The following UGT2B17 variants were observed in gnomAD, a reference collection of about 807,000 sequenced individuals.
UGT2B17 encodes the protein UDP-glucuronosyltransferase 2B17.
A neutral mutation model predicts 48.2 loss-of-function variants in UGT2B17; 21 were observed. That is an observed-to-expected ratio of 0.44 (90% CI 0.31 to 0.63). The LOEUF is 0.63. UGT2B17 is among the 20% of genes least tolerant of loss of function. The pLI is 0.08. For missense variants in UGT2B17, 402 were observed against 696.1 expected (o/e 0.58, Z 4.75); for synonymous variants, 146 against 238.4 (o/e 0.61, Z 3.57).
Position 68,550,838 on chromosome 4 carries a change from T to A in UGT2B17, c.1152A>T (p.Ala384=). 1.5e-6 allele frequency: 2 copies of A among 1,372,606 alleles called. No homozygotes were observed. The highest frequency in any genetic ancestry group is 1.9e-6 in the Non-Finnish European group (2 of 1,052,606). 85.0% of individuals were successfully genotyped at this position (1,372,606 alleles called of 1,614,324 possible). The part of the protein sequence containing the change: ...THGGTNGIYE[A]IYHGIPMVGI... ...CCACCATAGGGATCCCATGGTAGAT[T>A]GCCTCATAGATGCCATTGGTTCCAC... The change falls in exon 6 of 7, where the codon GCA becomes GCT. Residue 384 remains alanine (A), a synonymous_variant. Transcript: ENST00000317746.
intron 4 of UGT2B17, among the ~76,000 whole-genome samples, chr4:68,556,124 T>C (rs1455077821): frequency 8.1e-6 from 1 of 123,600 alleles, no homozygotes; most frequent in Non-Finnish European, 1.7e-5. Flanking sequence ...TTTTATATGA[T>C]CAAGTTGTCT....
At chr4:68,569,040 C>G (rs1479866452) in intron 1 of UGT2B17, among the ~76,000 whole-genome samples, 1 of 134,602 alleles carries the variant, frequency 7.4e-6, no homozygotes, top group Non-Finnish European at 1.6e-5. Flanking sequence ...AATCTAATTT[C>G]TATCTCTATA....
chr4:68,572,896 G>A (rs1250170446), intron 1 of UGT2B17, among the ~76,000 whole-genome samples: 4 of 126,258 alleles, frequency 3.2e-5, no homozygotes, highest in Non-Finnish European at 6.7e-5. Context: ...GATTGGTGAA[G>A]CTGCTCCCAT....
intron 1 of UGT2B17, among the ~76,000 whole-genome samples, chr4:68,575,639 T>C (rs1731361794): frequency 8.0e-6 from 1 of 125,562 alleles, no homozygotes; most frequent in African/African-American, 2.7e-5. Context: ...ACATTTCAGT[T>C]TACACCAAAC....
rs1731297126 is a variant in UGT2B17, at chr4:68,571,506, C to A, written c.-64-2958G>T. Among the ~76,000 whole-genome samples the A allele has an allele frequency of 1.6e-5, 2 of 126,878 alleles. 1 individual carries two copies. The highest frequency in any genetic ancestry group is 3.3e-5 in the Non-Finnish European group (2 of 59,756). The allele number at this position is 126,878 out of a possible 152,430, so 83.2% of individuals were successfully genotyped here. On this transcript the variant is annotated intron_variant, in intron 1 of 6. Transcript: ENST00000317746. ...GTGTAATTGGAACTCCACCATGTGA[C>A]TGTTTTTGTGGTACTATTATAGAGC...
chr4:68,545,078 T>A lies in UGT2B17; in HGVS notation c.1313+5599A>T, dbSNP rs186560319. Among the ~76,000 whole-genome samples, 2 of 125,858 alleles carry A rather than the reference T, an allele frequency of 1.6e-5. 1 individual carries two copies. Among genetic ancestry groups the A allele is most frequent in the East Asian group, 1.5e-3 (2 of 1,320 alleles). 82.6% of individuals were successfully genotyped at this position (125,858 alleles called of 152,430 possible). A position where few individuals can be genotyped will look rare whatever the true frequency, so the allele number is the denominator to read the frequency against. ...TCAGCTCTGCACGAAGAGGACCTAATAGACATCTACAGAACTCTGCACCCC... is the reference window on the plus strand; with the variant it reads ...TCAGCTCTGCACGAAGAGGACCTAAAAGACATCTACAGAACTCTGCACCCC... On this transcript the variant is annotated intron_variant, in intron 6 of 6. Transcript: ENST00000317746.
Position 68,551,877 on chromosome 4 carries a change from G to A in UGT2B17, c.1040C>T (p.Thr347Ile). Residue 347 changes from threonine (T) to isoleucine (I), a missense_variant, in exon 5 of 7, where the codon ACT becomes ATT. By Grantham distance (89) the Thr-to-Ile change is moderately conservative (BLOSUM62 -1). Around this residue, in one of 5 missense-constraint regions of UGT2B17, gnomAD observed 156 missense variants for 258.6 expected, o/e 0.60. Coordinates refer to ENST00000317746, the MANE Select transcript of UGT2B17 (RefSeq NM_001077.4). ...LWRFDGKKPNTLGSNTRLYKW... is the reference protein window; with the variant it reads ...LWRFDGKKPNILGSNTRLYKW... ...ATACAGTCGAGTATTGGAACCTAAA[G>A]TATTTGGCTTCTTGCCATCAAATCT... The A allele has an allele frequency of 2.9e-6, 4 of 1,365,938 alleles. 1 individual carries two copies. The highest frequency in any genetic ancestry group is 3.4e-5 in the South Asian group (2 of 58,062). The allele number at this position is 1,365,938 out of a possible 1,614,324, so 84.6% of individuals were successfully genotyped here.
At position 68,548,549 on chromosome 4, in the gene UGT2B17, C is replaced by G. The variant is rs1376688043; in HGVS notation, c.1313+2128G>C. On this transcript the variant is annotated intron_variant, in intron 6 of 6. Coordinates refer to ENST00000317746, the MANE Select transcript of UGT2B17 (RefSeq NM_001077.4). The stretch of plus-strand genomic sequence containing the variant: ...ATGTAGCAAAGCTGCACCTTGTGCA[C>G]AGATACCCTAAAACTTAAAGTATAA... Among the ~76,000 whole-genome samples the G allele has an allele frequency of 1.6e-5, 2 of 125,020 alleles. 1 individual carries two copies. The highest frequency in any genetic ancestry group is 3.4e-5 in the Non-Finnish European group (2 of 59,216). 82.0% of individuals were successfully genotyped at this position (125,020 alleles called of 152,430 possible).
At chr4:68,563,266 C>T (rs1434189007) in intron 3 of UGT2B17, among the ~76,000 whole-genome samples, 1 of 126,950 alleles carries the variant, frequency 7.9e-6, no homozygotes, top group Non-Finnish European at 1.7e-5. Context: ...ATTAGAGAAT[C>T]GGTTTCACAA....
intron 1 of UGT2B17, among the ~76,000 whole-genome samples, chr4:68,571,120 G>A (rs1731291509): frequency 8.0e-6 from 1 of 125,544 alleles, no homozygotes; most frequent in African/African-American, 2.7e-5. Flanking sequence ...GGTTGAGCAT[G>A]TAGATGGGGG....
At chr4:68,542,812 A>G (rs1478644906) in intron 6 of UGT2B17, among the ~76,000 whole-genome samples, 1 of 127,066 alleles carries the variant, frequency 7.9e-6, no homozygotes, top group Non-Finnish European at 1.7e-5. Flanking sequence ...CCTGGCTCAG[A>G]GGGTCCTACG....
chr4:68,564,294 A>ATATATATTTTTT (rs1366181355), intron 3 of UGT2B17, among the ~76,000 whole-genome samples: 11 of 75,784 alleles, frequency 1.5e-4, no homozygotes, highest in African/African-American at 5.6e-4. Context: ...ATATATATAT[A>ATATATATTTTTT]TTTTTTTTTT....
At chr4:68,539,851 C>A (rs1297699883) in intron 6 of UGT2B17, among the ~76,000 whole-genome samples, 1 of 106,338 alleles carries the variant, frequency 9.4e-6, no homozygotes, top group African/African-American at 3.3e-5. Context: ...ACGGAGCGAT[C>A]TTGGCTGACT....
rs370815401 is a variant in UGT2B17 at position 68,537,650 on chromosome 4, G to C, written c.1568C>G (p.Thr523Arg). The C allele has an allele frequency of 2.2e-5, 30 of 1,373,328 alleles. 5 individuals are homozygous for C. Among genetic ancestry groups the C allele is most frequent in the Non-Finnish European group, 2.8e-5 (29 of 1,051,304 alleles). 85.1% of individuals were successfully genotyped at this position (1,373,328 alleles called of 1,614,324 possible). ...CTAATCCCTTTTCTTCTTCTTTCCTGTTTTGGCAAGCTTTCGGAAACAAAA... is the reference window on the plus strand; with the variant it reads ...CTAATCCCTTTTCTTCTTCTTTCCTCTTTTGGCAAGCTTTCGGAAACAAAA... ...CLFCFRKLAK[T>R]GKKKKRD Residue 523 changes from threonine (T) to arginine (R), a missense_variant, in exon 7 of 7, where the codon ACA (threonine) becomes AGA (arginine). Thr to Arg is a moderately conservative substitution (Grantham distance 71). Around this residue, in one of 5 missense-constraint regions of UGT2B17, gnomAD observed 156 missense variants for 258.6 expected, o/e 0.60. Coordinates refer to ENST00000317746, the MANE Select transcript of UGT2B17 (RefSeq NM_001077.4).
rs1426531744 is a variant in UGT2B17, at chr4:68,559,920, AG to A, written c.1005+616del. 1.2e-4 allele frequency among the ~76,000 whole-genome samples: 15 copies of A among 122,318 alleles called. 3 individuals are homozygous for A. The highest frequency in any genetic ancestry group is 2.5e-4 in the Admixed American group (3 of 11,946). The allele number at this position is 122,318 out of a possible 152,430, so 80.2% of individuals were successfully genotyped here. A position where few individuals can be genotyped will look rare whatever the true frequency, so the allele number is the denominator to read the frequency against. On this transcript the variant is annotated intron_variant, in intron 4 of 6. Transcript: ENST00000317746. Reference sequence around the variant, plus strand: ...GGCACCCAAGCCAGCAGAGCAGACAAGTTTTTCTTTTTCTCTAAATCTACTT... The same window carrying A: ...GGCACCCAAGCCAGCAGAGCAGACAATTTTTCTTTTTCTCTAAATCTACTT...
At position 68,552,567 on chromosome 4, in the gene UGT2B17, C is replaced by A. The variant is rs529440758; in HGVS notation, c.1006-656G>T. On this transcript the variant is annotated intron_variant, in intron 4 of 6. Coordinates refer to ENST00000317746, the MANE Select transcript of UGT2B17 (RefSeq NM_001077.4). The stretch of plus-strand genomic sequence containing the variant: ...CTGTGTCATGGGTGCACATTTTCAA[C>A]CTTGGCAAAATAAACTTTCTAAATT... Among the ~76,000 whole-genome samples, 16 of 126,016 alleles carry A rather than the reference C, an allele frequency of 1.3e-4. 8 individuals carry two copies. In the East Asian group the frequency reaches 0.012, roughly 96 times the overall value. 82.7% of individuals were successfully genotyped at this position (126,016 alleles called of 152,430 possible).
intron 6 of UGT2B17, among the ~76,000 whole-genome samples, chr4:68,549,889 C>T (rs9996186): frequency 8.1e-6 from 1 of 123,376 alleles, no homozygotes; most frequent in Non-Finnish European, 1.7e-5. Flanking sequence ...AATGTCCATG[C>T]CCTGATAAAT....
Position 68,537,754 on chromosome 4 carries a change from C to G in UGT2B17, c.1464G>C (p.Gln488His). The change falls in exon 7 of 7, where the codon CAG becomes CAC. Residue 488 changes from glutamine (Q) to histidine (H), a missense_variant. Physicochemically the swap from Gln to His is conservative, Grantham distance 24. Transcript: ENST00000317746. ...ATGCTATCACATCCAAAGAGTGGTA[C>G]TGGATCCAGGTGAGGTTGTGGGCTG... ...RVAAHNLTWI[Q>H]YHSLDVIAFL... 7.2e-7 allele frequency: 1 copy of G among 1,379,844 alleles called. No homozygotes were observed. The highest frequency in any genetic ancestry group is 9.5e-7 in the Non-Finnish European group (1 of 1,055,078). The allele number at this position is 1,379,844 out of a possible 1,614,324, so 85.5% of individuals were successfully genotyped here.
At chr4:68,551,044 G>A in intron 5 of UGT2B17, 148 bp from the exon 6 acceptor site, 1 of 664,792 alleles carries the variant, frequency 1.5e-6, no homozygotes, top group Non-Finnish European at 2.1e-6. Context: ...TCAAATTTCA[G>A]AGGAAGAAGC....
Sources: gnomAD v4.1 joint callset for allele counts (sites outside exome capture counted in the v4.1 genomes callset) on GRCh38, gnomAD v4.1.1 for gene constraint, gnomAD v4.1.1 regional missense constraint, MANE v1.5 for transcripts, NCBI Gene and HGNC (gene_info 2026-07-23, HGNC 2026-07-21) for gene names.